The following CADM2 variants were observed in gnomAD, a reference collection of about 807,000 sequenced individuals.
CADM2 encodes cell adhesion molecule 2.
In CADM2, 12 loss-of-function variants were observed where a neutral mutation model predicts 49.8. The observed-to-expected ratio is 0.24, with a 90% CI of 0.15 to 0.39. The LOEUF is 0.39. Among genes scored for constraint, CADM2 ranks in the 10% least tolerant of loss-of-function variants. The pLI is 1.00. For missense variants in CADM2, 378 were observed against 492.3 expected (o/e 0.77, Z 2.20); for synonymous variants, 214 against 175.4 (o/e 1.22, Z -1.74).
At chr3:85,742,084 G>A (rs923329897) in intron 2 of CADM2, among the ~76,000 whole-genome samples, 3 of 152,154 alleles carry the variant, frequency 2.0e-5, no homozygotes, top group Non-Finnish European at 2.9e-5. Context: ...AGTACCTAAC[G>A]CTTATGGTCA....
chr3:85,081,712 T>C (rs2037170504), intron 1 of CADM2, among the ~76,000 whole-genome samples: 2 of 152,134 alleles, frequency 1.3e-5, no homozygotes. Context: ...GTCTAACAGC[T>C]CCACTCCAGG....
chr3:85,904,028 T>A (rs1167553809), intron 5 of CADM2, among the ~76,000 whole-genome samples: 2 of 152,108 alleles, frequency 1.3e-5, no homozygotes, highest in African/African-American at 4.8e-5. Context: ...AGCGTGCTTA[T>A]CTCATCTAAA....
intron 1 of CADM2, among the ~76,000 whole-genome samples, chr3:85,156,160 CT>C (rs375549887): frequency 0.049 from 7,466 of 152,084 alleles, 241 homozygotes; most frequent in Middle Eastern, 0.11. Context: ...ACAAAAAGCC[CT>C]TCAAAAAATT....
At chr3:85,372,820 C>T (rs746250995) in intron 1 of CADM2, among the ~76,000 whole-genome samples, 4 of 152,060 alleles carry the variant, frequency 2.6e-5, no homozygotes, top group African/African-American at 7.2e-5. Flanking sequence ...GGGAAGACTG[C>T]GTGTGCAGGG....
chr3:85,560,632 A>T (rs2062069135), intron 1 of CADM2, among the ~76,000 whole-genome samples: 2 of 152,082 alleles, frequency 1.3e-5, no homozygotes, highest in African/African-American at 4.8e-5. Context: ...CAAGTACAGG[A>T]TGTTTTCCTT....
At chr3:85,998,933 T>C (rs1421944307) in intron 8 of CADM2, among the ~76,000 whole-genome samples, 2 of 152,022 alleles carry the variant, frequency 1.3e-5, no homozygotes, top group African/African-American at 2.4e-5. Context: ...GAATGAGAGA[T>C]ACCAAAGAAC....
chr3:85,542,706 C>T (rs2061575887), intron 1 of CADM2, among the ~76,000 whole-genome samples: 1 of 152,098 alleles, frequency 6.6e-6, no homozygotes, highest in African/African-American at 2.4e-5. Context: ...GAAAGAAAAA[C>T]ATTATCCCTA....
At chr3:85,610,296 T>C (rs1472202237) in intron 1 of CADM2, among the ~76,000 whole-genome samples, 7 of 151,978 alleles carry the variant, frequency 4.6e-5, no homozygotes, top group African/African-American at 1.7e-4. Context: ...TCTAAATACA[T>C]TGTGAATACC....
At chr3:85,837,311 T>C (rs768318142) in intron 3 of CADM2, among the ~76,000 whole-genome samples, 4 of 151,680 alleles carry the variant, frequency 2.6e-5, no homozygotes, top group Non-Finnish European at 5.9e-5. Context: ...ATGTAATGTT[T>C]TCATGCTTCT....
At chr3:85,909,181 C>T (rs1234258591) in intron 5 of CADM2, among the ~76,000 whole-genome samples, 4 of 152,098 alleles carry the variant, frequency 2.6e-5, no homozygotes, top group African/African-American at 9.7e-5. Flanking sequence ...CTCTCCCAGT[C>T]AGTTTCCCAC....
intron 3 of CADM2, among the ~76,000 whole-genome samples, chr3:85,863,516 G>A (rs1489273483): frequency 6.6e-6 from 1 of 152,156 alleles, no homozygotes; most frequent in Non-Finnish European, 1.5e-5. Context: ...ATTACTGCAG[G>A]AGTTTGGTTC....
At chr3:85,740,976 G>A (rs1188380689) in intron 2 of CADM2, among the ~76,000 whole-genome samples, 2 of 152,110 alleles carry the variant, frequency 1.3e-5, no homozygotes, top group South Asian at 2.1e-4. Context: ...CCTAGTTCAG[G>A]ACAACAATTC....
rs1348587563 is a variant in CADM2 at position 85,037,010 on chromosome 3, A to C, written c.61+77342A>C. On this transcript the variant is annotated intron_variant, in intron 1 of 9. Coordinates refer to ENST00000383699, the MANE Select transcript of CADM2 (RefSeq NM_001167675.2). ...CTACTAAAAATAGAAAAAAAAAAAA[A>C]AAAAAAAAACTTAGCTGGTTGTGGT... Among the ~76,000 whole-genome samples the C allele has an allele frequency of 7.3e-5, 11 of 151,406 alleles. No homozygotes were observed. In the East Asian group the frequency reaches 1.4e-3, roughly 19 times the overall value.
chr3:85,519,335 G>C (rs2060977657), intron 1 of CADM2, among the ~76,000 whole-genome samples: 1 of 152,160 alleles, frequency 6.6e-6, no homozygotes, highest in South Asian at 2.1e-4. Context: ...TTCCCTCGAA[G>C]TCATGCTTAG....
chr3:85,701,982 A>C (rs965183772), intron 1 of CADM2, among the ~76,000 whole-genome samples: 3 of 99,180 alleles, frequency 3.0e-5, no homozygotes, highest in African/African-American at 4.9e-5. Context: ...ATAGATAGAT[A>C]GATAGATAGA....
At chr3:85,714,572 A>G (rs1331814566) in intron 1 of CADM2, among the ~76,000 whole-genome samples, 1 of 151,476 alleles carries the variant, frequency 6.6e-6, no homozygotes, top group Non-Finnish European at 1.5e-5. Flanking sequence ...GACTACAGAC[A>G]CCCGCCACCA....
chr3:85,380,863 C>G (rs1262717554), intron 1 of CADM2, among the ~76,000 whole-genome samples: 1 of 151,876 alleles, frequency 6.6e-6, no homozygotes. Flanking sequence ...TTGATTCTAA[C>G]TAATTAAAGG....
At chr3:85,188,374 G>A (rs1197396533) in intron 1 of CADM2, among the ~76,000 whole-genome samples, 1 of 152,078 alleles carries the variant, frequency 6.6e-6, no homozygotes, top group African/African-American at 2.4e-5. Context: ...ATTTCCAATA[G>A]TGGGCTCTTG....
chr3:85,896,414 A>G (rs1682772864), intron 5 of CADM2, among the ~76,000 whole-genome samples: 1 of 152,226 alleles, frequency 6.6e-6, no homozygotes, highest in Non-Finnish European at 1.5e-5. Context: ...AAGATCTGCC[A>G]TTCGGTAATA....
Sources: gnomAD v4.1 joint callset for allele counts (sites outside exome capture counted in the v4.1 genomes callset) on GRCh38, gnomAD v4.1.1 for gene constraint, MANE v1.5 for transcripts, NCBI Gene and HGNC (gene_info 2026-07-23, HGNC 2026-07-21) for gene names.